The following AFTPH variants were observed in gnomAD, a reference collection of about 807,000 sequenced individuals.
The protein encoded by AFTPH is aftiphilin, also known as aftiphilin protein.
A neutral mutation model predicts 72.5 loss-of-function variants in AFTPH; 7 were observed. The observed-to-expected ratio is 0.10, with a 90% confidence interval of 0.05 to 0.18. AFTPH has a LOEUF of 0.18. Among genes scored for constraint, AFTPH ranks in the 10% least tolerant of loss-of-function variants. The pLI, the probability that AFTPH is intolerant of heterozygous loss-of-function variation, is 1.00. For missense variants in AFTPH, 979 were observed against 1,060.5 expected, an observed-to-expected ratio of 0.92 and a Z score of 1.07; for synonymous variants, 337 against 370.1, an observed-to-expected ratio of 0.91 and a Z score of 1.03.
At chr2:64,545,888 T>C (rs1670583004) in intron 1 of AFTPH, among the ~76,000 whole-genome samples, 1 of 151,858 alleles carries the variant, frequency 6.6e-6, no homozygotes, top group African/African-American at 2.4e-5. Flanking sequence ...TTTTTTTGTT[T>C]TGTTTCGTTT....
chr2:64,541,764 T>C (rs1670264057), intron 1 of AFTPH, among the ~76,000 whole-genome samples: 1 of 152,202 alleles, frequency 6.6e-6, no homozygotes, highest in South Asian at 2.1e-4. Flanking sequence ...GACATTTTCA[T>C]TCATTTTTCT....
intron 8 of AFTPH, among the ~76,000 whole-genome samples, chr2:64,585,978 A>G (rs1223411772): frequency 6.6e-6 from 1 of 152,112 alleles, no homozygotes; most frequent in East Asian, 1.9e-4. Flanking sequence ...TGGAATTTTC[A>G]TTGACATGCA....
rs1573035508 is a variant in AFTPH, at chr2:64,579,632, T to C, written c.2455+86T>C. ...GACAAACTTCTCTCTGCTGATTTCC[T>C]TTTTTGTTTGAACATAACTTATTCT... On this transcript the variant is annotated intron_variant, in intron 7 of 8. Coordinates refer to ENST00000238856, the Ensembl canonical transcript of AFTPH. The C allele has an allele frequency of 1.9e-5, 24 of 1,234,816 alleles. 1 individual carries two copies. The East Asian group carries it at 5.6e-4, about 29-fold the overall frequency. 76.5% of individuals were successfully genotyped at this position (1,234,816 alleles called of 1,614,324 possible). A position where few individuals can be genotyped will look rare whatever the true frequency, so the allele number is the denominator to read the frequency against.
chr2:64,588,193 A>T (rs1476220437), intron 8 of AFTPH, among the ~76,000 whole-genome samples: 2 of 151,878 alleles, frequency 1.3e-5, no homozygotes, highest in African/African-American at 4.8e-5. Context: ...TTTCATATAG[A>T]TGGAATTCTA....
chr2:64,552,665 C>G (rs1671121226), exon 2 of AFTPH: 5 of 1,614,070 alleles, frequency 3.1e-6, no homozygotes, highest in Non-Finnish European at 4.2e-6. Flanking sequence ...AAAGCCCAAA[C>G]ATTGACCCCA....
chr2:64,530,646 T>G (rs567407850), intron 1 of AFTPH, among the ~76,000 whole-genome samples: 1 of 152,228 alleles, frequency 6.6e-6, no homozygotes, highest in Non-Finnish European at 1.5e-5. Context: ...GTTTTCTTCC[T>G]GTTTTATTTT....
intron 2 of AFTPH, among the ~76,000 whole-genome samples, chr2:64,559,827 C>G (rs1414399139): frequency 6.6e-6 from 1 of 152,170 alleles, no homozygotes; most frequent in Non-Finnish European, 1.5e-5. Context: ...ACCTCAGCCT[C>G]TCTAGTAGCT....
intron 2 of AFTPH, 106 bp downstream of exon 2, chr2:64,553,515 G>C: frequency 8.0e-7 from 1 of 1,252,806 alleles, no homozygotes; most frequent in Non-Finnish European, 1.1e-6. Context: ...TGTTAAAGGA[G>C]TCTCGTTATG....
intron 1 of AFTPH, among the ~76,000 whole-genome samples, chr2:64,529,420 A>G (rs1222226440): frequency 1.3e-5 from 2 of 149,938 alleles, no homozygotes; most frequent in Non-Finnish European, 3.0e-5. Flanking sequence ...TCTATCTTGC[A>G]TTATTTTTGC....
intron 8 of AFTPH, among the ~76,000 whole-genome samples, chr2:64,585,777 TCCCCCACCCCCTGCC>T (rs1573048639): frequency 6.6e-6 from 1 of 151,450 alleles, no homozygotes; most frequent in Non-Finnish European, 1.5e-5. Flanking sequence ...GTGGTTTTCT[TCCCCCACCCCCTGCC>T]CCCCCACCTC....
At chr2:64,568,386 C>T (rs1171948827) in intron 3 of AFTPH, among the ~76,000 whole-genome samples, 2 of 152,088 alleles carry the variant, frequency 1.3e-5, no homozygotes, top group African/African-American at 2.4e-5. Flanking sequence ...AGAGCTTGTT[C>T]ATACACTTGT....
At chr2:64,529,960 C>G (rs1669525809) in intron 1 of AFTPH, among the ~76,000 whole-genome samples, 1 of 152,112 alleles carries the variant, frequency 6.6e-6, no homozygotes, top group Admixed American at 6.5e-5. Flanking sequence ...TGGAGACCAG[C>G]CTGGCCAACA....
rs1001761397 is a variant in AFTPH at position 64,549,693 on chromosome 2, A to G, written c.-32-1750A>G. On this transcript the variant is annotated intron_variant, in intron 1 of 8. Coordinates refer to ENST00000238856, the Ensembl canonical transcript of AFTPH. ...ATAACTCAGGTTTCATTTAAGAATT[A>G]AATGTATTAAAAAGAAGCTATTACA... is the stretch of plus-strand genomic sequence containing the variant. Among the ~76,000 whole-genome samples, 3 of 152,178 alleles carry G rather than the reference A, an allele frequency of 2.0e-5. 1 individual carries two copies. The highest frequency in any genetic ancestry group is 4.4e-5 in the Non-Finnish European group (3 of 68,028).
chr2:64,549,438 A>G (rs1219465393), intron 1 of AFTPH, among the ~76,000 whole-genome samples: 1 of 145,300 alleles, frequency 6.9e-6, no homozygotes, highest in East Asian at 2.0e-4. Flanking sequence ...CTCCTGCCTC[A>G]GCTTCCTAAG....
Position 64,586,912 on chromosome 2 carries a change from G to A in AFTPH, c.2579+1367G>A, listed in dbSNP as rs577597802. On this transcript the variant is annotated intron_variant, in intron 8 of 8. Transcript: ENST00000238856. ...CACATTTGACTTAAAAACCAAAAAG[G>A]ATGCTTTTATTGTTTGGGTTTCCCC... Among the ~76,000 whole-genome samples, 11 of 152,244 alleles carry A rather than the reference G, an allele frequency of 7.2e-5. No individual in the cohort carries two copies. In the South Asian group the frequency reaches 2.3e-3, roughly 32 times the overall value.
chr2:64,569,281 A>C (rs1672275066), intron 4 of AFTPH, 63 bp downstream of exon 4: 1 of 1,546,056 alleles, frequency 6.5e-7, no homozygotes, highest in African/African-American at 1.4e-5. Context: ...AAATTCTGTC[A>C]TACTTCTGTT....
At chr2:64,553,974 A>T (rs1671208090) in intron 2 of AFTPH, among the ~76,000 whole-genome samples, 1 of 152,168 alleles carries the variant, frequency 6.6e-6, no homozygotes, top group African/African-American at 2.4e-5. Context: ...ACTAGAAAAA[A>T]GCAAGTTTTT....
chr2:64,565,143 A>G (rs963219615), intron 2 of AFTPH, among the ~76,000 whole-genome samples: 2 of 151,938 alleles, frequency 1.3e-5, no homozygotes, highest in Non-Finnish European at 1.5e-5. Flanking sequence ...CTGGCTGGAA[A>G]TTGATACACT....
chr2:64,586,026 T>C (rs766170776), intron 8 of AFTPH, among the ~76,000 whole-genome samples: 1 of 152,206 alleles, frequency 6.6e-6, no homozygotes, highest in Non-Finnish European at 1.5e-5. Flanking sequence ...TTTACCAGGC[T>C]TTCTAGAAGC....
Sources: allele counts gnomAD v4.1 joint callset (sites outside exome capture counted in the v4.1 genomes callset), GRCh38; gene constraint gnomAD v4.1.1; transcripts MANE v1.5; gene names NCBI Gene and HGNC (gene_info 2026-07-23, HGNC 2026-07-21).